DPY19L2: variants seen among roughly 807,000 people sequenced by gnomAD.
DPY19L2 encodes the protein dpy-19 like 2, also known as probable C-mannosyltransferase DPY19L2.
In DPY19L2, 34 loss-of-function variants were observed where a neutral mutation model predicts 97.9. That is an observed-to-expected ratio of 0.35 (90% CI 0.26 to 0.46). The LOEUF is 0.46. DPY19L2 is among the 20% of genes least tolerant of loss of function. DPY19L2 has a pLI of 1.00. For synonymous variants in DPY19L2, 230 were observed against 307.9 expected (o/e 0.75, Z 2.65); for missense variants, 623 against 911.4 (o/e 0.68, Z 4.07).
chr12:63,562,971 A>G (rs2137242312), intron 21 of DPY19L2, among the ~76,000 whole-genome samples: 1 of 151,952 alleles, frequency 6.6e-6, no homozygotes, highest in Non-Finnish European at 1.5e-5. Context: ...AACTTTTTGT[A>G]TTTTTAGTAG....
intron 6 of DPY19L2, among the ~76,000 whole-genome samples, chr12:63,631,454 G>A (rs1890626202): frequency 6.6e-6 from 1 of 152,068 alleles, no homozygotes; most frequent in South Asian, 2.1e-4. Flanking sequence ...AAATAAACTA[G>A]AAAATCTAGA....
Position 63,651,544 on chromosome 12 carries a change from G to A in DPY19L2, c.589-4179C>T, listed in dbSNP as rs555483538. ...ATCCAGAATCCATAAGGAACAAATC[G>A]AAAGTAAAAAAAAACCCAAATAAAA... On this transcript the variant is annotated intron_variant, in intron 4 of 21. Transcript: ENST00000324472. 2.1e-3 allele frequency: 393 copies of A among 183,658 alleles called. 1 individual carries two copies. The highest frequency in any genetic ancestry group is 3.4e-3 in the Non-Finnish European group (305 of 90,956). 11.4% of individuals were successfully genotyped at this position (183,658 alleles called of 1,614,324 possible). A position where few individuals can be genotyped will look rare whatever the true frequency, so the allele number is the denominator to read the frequency against.
At chr12:63,665,925 T>C in intron 1 of DPY19L2, 66 bp from the exon 2 acceptor site, 1 of 1,319,742 alleles carries the variant, frequency 7.6e-7, no homozygotes. Flanking sequence ...TTAAAACAAG[T>C]ATTTCAAATG....
chr12:63,604,766 A>C (rs1885761970), intron 12 of DPY19L2, among the ~76,000 whole-genome samples: 1 of 152,074 alleles, frequency 6.6e-6, no homozygotes. Flanking sequence ...AAAACTGCTC[A>C]TTGAAGTGTT....
intron 2 of DPY19L2, 41 bp downstream of exon 2, chr12:63,665,794 T>G: frequency 6.6e-7 from 1 of 1,504,494 alleles, no homozygotes; most frequent in South Asian, 1.2e-5. Context: ...AATTTTTAAT[T>G]CAAATGTTTT....
At chr12:63,639,379 C>T (rs1045699050) in intron 6 of DPY19L2, among the ~76,000 whole-genome samples, 1 of 152,092 alleles carries the variant, frequency 6.6e-6, no homozygotes, top group African/African-American at 2.4e-5. Context: ...AGTTTCTGCA[C>T]AGCAAAAGAA....
chr12:63,581,017 C>G (rs540858433), intron 18 of DPY19L2, among the ~76,000 whole-genome samples, 181 bp from the exon 19 acceptor site: 1 of 152,144 alleles, frequency 6.6e-6, no homozygotes, highest in African/African-American at 2.4e-5. Flanking sequence ...ATTACAGGGC[C>G]CAGGTGAAAA....
chr12:63,610,753 C>T (rs998395405), intron 11 of DPY19L2, among the ~76,000 whole-genome samples: 1 of 145,416 alleles, frequency 6.9e-6, no homozygotes, highest in Non-Finnish European at 1.5e-5. Flanking sequence ...CTTCTATACA[C>T]ATTTTATGAG....
chr12:63,633,793 A>G (rs1216902616), intron 6 of DPY19L2, among the ~76,000 whole-genome samples: 1 of 152,212 alleles, frequency 6.6e-6, no homozygotes, highest in East Asian at 1.9e-4. Flanking sequence ...TATTCACAAT[A>G]GCAAAGACTT....
intron 4 of DPY19L2, among the ~76,000 whole-genome samples, chr12:63,659,164 C>T (rs1266509018): frequency 2.0e-5 from 3 of 152,034 alleles, no homozygotes; most frequent in Non-Finnish European, 4.4e-5. Flanking sequence ...CCAAAGGATT[C>T]TACAAAAAAG....
chr12:63,654,894 C>G (rs77822382), intron 4 of DPY19L2, among the ~76,000 whole-genome samples: 19,201 of 152,088 alleles, frequency 0.13, 1,581 homozygotes, highest in South Asian at 0.23. Context: ...TACTAGGAGA[C>G]TTCAGAATCC....
chr12:63,661,301 A>G (rs113117975), intron 4 of DPY19L2, 43 bp downstream of exon 4: 32,955 of 1,498,130 alleles, frequency 0.022, 558 homozygotes, highest in African/African-American at 0.071. Context: ...TCTGACAAAG[A>G]GGATCACTCT....
chr12:63,599,743 T>C (rs1378546361), intron 13 of DPY19L2, among the ~76,000 whole-genome samples: 3 of 152,184 alleles, frequency 2.0e-5, no homozygotes, highest in Middle Eastern at 3.2e-3. Context: ...TGAAAAGGGC[T>C]ACTCTTTAAA....
At chr12:63,638,400 G>GA (rs1892120051) in intron 6 of DPY19L2, among the ~76,000 whole-genome samples, 1 of 152,082 alleles carries the variant, frequency 6.6e-6, no homozygotes, top group African/African-American at 2.4e-5. Flanking sequence ...ATTCAATCAG[G>GA]AAAGAGGAAG....
Position 63,668,170 on chromosome 12 carries a change from T to C in DPY19L2, c.224A>G (p.Lys75Arg). 6.2e-7 allele frequency: 1 copy of C among 1,613,974 alleles called. No individual in the cohort carries two copies. ...CTGGAAGGGGCCGAGAAGAAAGGTC[T>C]TGGCCACCACCTCTAGCTCCAAGCC... ...RKGLELEVVAKTFLLGPFQFV... is the reference protein window; with the variant it reads ...RKGLELEVVARTFLLGPFQFV... The change falls in exon 1 of 22, where the codon AAG (lysine) becomes AGG (arginine). Residue 75 changes from lysine to arginine, a missense_variant. Physicochemically the swap from Lys to Arg is conservative, Grantham distance 26. Around this residue, in one of 6 missense-constraint regions of DPY19L2, gnomAD observed 144 missense variants for 119.4 expected, o/e 1.21. Coordinates refer to ENST00000324472, the MANE Select transcript of DPY19L2 (RefSeq NM_173812.5).
intron 1 of DPY19L2, among the ~76,000 whole-genome samples, chr12:63,666,877 A>G (rs1426852961): frequency 1.3e-5 from 2 of 152,164 alleles, no homozygotes; most frequent in Non-Finnish European, 2.9e-5. Flanking sequence ...GCCTCTTAAA[A>G]ACTCAAAAAT....
At chr12:63,589,385 A>AAAAAAAAAAAAAAAAAAAAAT (rs1882467277) in intron 16 of DPY19L2, among the ~76,000 whole-genome samples, 1 of 134,938 alleles carries the variant, frequency 7.4e-6, no homozygotes, top group Non-Finnish European at 1.6e-5. Context: ...AAAAAAAAAA[A>AAAAAAAAAAAAAAAAAAAAAT]AAAAAAAGTA....
chr12:63,607,854 A>G (rs559525662), intron 12 of DPY19L2, among the ~76,000 whole-genome samples: 90 of 151,842 alleles, frequency 5.9e-4, no homozygotes, highest in African/African-American at 1.9e-3. Context: ...GCTGGTCTCA[A>G]ACTCCTGGGC....
chr12:63,654,784 A>G (rs1894745503), intron 4 of DPY19L2, among the ~76,000 whole-genome samples: 1 of 152,140 alleles, frequency 6.6e-6, no homozygotes, highest in East Asian at 1.9e-4. Flanking sequence ...CAACAAGAAG[A>G]CCCTGCAATC....
Sources: gnomAD v4.1 joint callset for allele counts (sites outside exome capture counted in the v4.1 genomes callset) on GRCh38, gnomAD v4.1.1 for gene constraint, gnomAD v4.1.1 regional missense constraint, MANE v1.5 for transcripts, NCBI Gene and HGNC (gene_info 2026-07-23, HGNC 2026-07-21) for gene names.